Variants in CEP112 observed in about 807,000 individuals in gnomAD.
CEP112 encodes the protein centrosomal protein 112.
Under a neutral mutation model 153.0 loss-of-function variants are expected in CEP112, and 127 were observed. That is an observed-to-expected ratio of 0.83 (90% confidence interval 0.72 to 0.96). CEP112 has a LOEUF of 0.96. CEP112 is among the 40% of genes least tolerant of loss of function. The probability of loss-of-function intolerance (pLI) is 0.00; values close to 1 mark genes in which losing one functional copy is unlikely to be tolerated. For synonymous variants in CEP112, 358 were observed against 374.4 expected, an observed-to-expected ratio of 0.96 and a Z score of 0.51; for missense variants, 1,089 against 1,101.2, an observed-to-expected ratio of 0.99 and a Z score of 0.16.
chr17:65,669,157 A>G (rs1302271734), intron 24 of CEP112, among the ~76,000 whole-genome samples: 1 of 152,174 alleles, frequency 6.6e-6, no homozygotes, highest in Non-Finnish European at 1.5e-5. Flanking sequence ...CACTGAAATC[A>G]CACTACCAGT....
intron 23 of CEP112, among the ~76,000 whole-genome samples, chr17:65,701,625 C>G (rs879811565): frequency 6.6e-6 from 1 of 152,114 alleles, no homozygotes; most frequent in Non-Finnish European, 1.5e-5. Context: ...TACCCAGGAT[C>G]GCACAAATCC....
chr17:66,161,903 A>AG (rs2146766197), intron 4 of CEP112, among the ~76,000 whole-genome samples: 1 of 151,732 alleles, frequency 6.6e-6, no homozygotes, highest in South Asian at 2.1e-4. Context: ...ACTGTAAAAA[A>AG]AAAACTTAAA....
intron 6 of CEP112, among the ~76,000 whole-genome samples, chr17:66,105,721 G>A (rs189676707): frequency 6.6e-6 from 1 of 152,174 alleles, no homozygotes; most frequent in East Asian, 1.9e-4. Flanking sequence ...TTGAATCCAG[G>A]AGTCAGAGGT....
intron 21 of CEP112, among the ~76,000 whole-genome samples, chr17:65,815,170 G>T (rs1279760291): frequency 6.6e-6 from 1 of 151,694 alleles, no homozygotes; most frequent in Non-Finnish European, 1.5e-5. Context: ...TTATGTTGAG[G>T]TCTACAATTA....
intron 8 of CEP112, among the ~76,000 whole-genome samples, chr17:66,077,096 A>C (rs1231854080): frequency 6.6e-6 from 1 of 152,168 alleles, no homozygotes; most frequent in Non-Finnish European, 1.5e-5. Flanking sequence ...TACCCAAATG[A>C]GAAGGAATCA....
intron 24 of CEP112, among the ~76,000 whole-genome samples, chr17:65,652,180 A>T (rs1315715228): frequency 6.6e-6 from 1 of 152,206 alleles, no homozygotes; most frequent in Non-Finnish European, 1.5e-5. Context: ...TAATAGAGCC[A>T]TCTAGTAGAA....
chr17:65,775,944 A>C (rs963434088), intron 21 of CEP112, among the ~76,000 whole-genome samples: 5 of 152,226 alleles, frequency 3.3e-5, no homozygotes, highest in Non-Finnish European at 7.3e-5. Context: ...CGTTCAATTA[A>C]TCAGTGACGA....
intron 6 of CEP112, among the ~76,000 whole-genome samples, chr17:66,125,517 A>G (rs975321902): frequency 1.3e-5 from 2 of 151,926 alleles, no homozygotes; most frequent in African/African-American, 4.8e-5. Context: ...CCCTGTCTCT[A>G]AAAAAAAGAA....
At position 65,744,714 on chromosome 17, in the gene CEP112, C is replaced by T. The variant is rs553119443; in HGVS notation, c.2458-1497G>A. ...TTAAGAATCTGTTCTCTCCAGACAG[C>T]GTTCTTCTAACTTCTCAAATTAACC... On this transcript the variant is annotated intron_variant, in intron 22 of 26. Transcript: ENST00000535342. Among the ~76,000 whole-genome samples, 3 of 152,290 alleles carry T rather than the reference C, an allele frequency of 2.0e-5. No individual in the cohort carries two copies. The South Asian group carries it at 6.2e-4, about 32-fold the overall frequency.
At chr17:65,950,129 T>A (rs2061773605) in intron 18 of CEP112, among the ~76,000 whole-genome samples, 1 of 152,152 alleles carries the variant, frequency 6.6e-6, no homozygotes, top group Admixed American at 6.6e-5. Flanking sequence ...CCAGCAGAAA[T>A]GCATGTCACT....
Position 66,062,981 on chromosome 17 carries a change from AT to A in CEP112, c.1055del (p.Asn352IlefsTer12). ...AGCTTACCTTTTTTTCCCAGTCATT[AT>A]TTAGAGATTCCGTACTTTGTTCACA... is the stretch of plus-strand genomic sequence containing the variant. ...KICEQSTESLNNDWEKKLHNA... is the reference protein window; with the variant it reads ...KICEQSTESLXNDWEKKLHNA... On this transcript the variant is annotated frameshift_variant, in exon 11 of 27. Coordinates refer to ENST00000535342, the MANE Select transcript of CEP112 (RefSeq NM_001199165.4). LOFTEE classifies it high-confidence loss of function. 6.3e-7 allele frequency: 1 copy of A among 1,575,190 alleles called. No individual in the cohort carries two copies. The highest frequency in any genetic ancestry group is 1.8e-5 in the Admixed American group (1 of 56,196).
intron 4 of CEP112, among the ~76,000 whole-genome samples, chr17:66,170,518 A>C (rs2072199182): frequency 6.6e-6 from 1 of 151,996 alleles, no homozygotes; most frequent in Non-Finnish European, 1.5e-5. Flanking sequence ...TAATCCCAGC[A>C]CTTTGAGAGG....
chr17:66,131,527 G>A (rs1043155155), intron 5 of CEP112, among the ~76,000 whole-genome samples: 1 of 151,682 alleles, frequency 6.6e-6, no homozygotes, highest in Non-Finnish European at 1.5e-5. Flanking sequence ...GGATCACGAG[G>A]TCAGGAGATC....
chr17:65,911,109 A>C (rs1346051612), intron 19 of CEP112, among the ~76,000 whole-genome samples: 1 of 152,230 alleles, frequency 6.6e-6, no homozygotes, highest in Non-Finnish European at 1.5e-5. Flanking sequence ...GCATGCAAAA[A>C]TACAGTGAAT....
At chr17:66,185,024 G>A (rs190040543) in intron 1 of CEP112, among the ~76,000 whole-genome samples, 7 of 152,216 alleles carry the variant, frequency 4.6e-5, no homozygotes, top group Middle Eastern at 6.8e-3. Flanking sequence ...TCTAGAAAAG[G>A]CAAACAATAT....
At chr17:65,999,817 G>T (rs141677880) in intron 17 of CEP112, among the ~76,000 whole-genome samples, 1 of 151,944 alleles carries the variant, frequency 6.6e-6, no homozygotes, top group East Asian at 1.9e-4. Context: ...GACAACATGC[G>T]GTATTTGGTT....
intron 4 of CEP112, among the ~76,000 whole-genome samples, chr17:66,168,381 ATATATGTGTGTGTATATATATGTG>A (rs1039465303): frequency 2.7e-5 from 4 of 150,856 alleles, no homozygotes; most frequent in African/African-American, 9.7e-5. Context: ...AATAACCTAT[ATATATGTGTGTGTATATATATGTG>A]TATATGTGTG....
intron 21 of CEP112, among the ~76,000 whole-genome samples, chr17:65,799,229 A>G (rs2055115434): frequency 6.6e-6 from 1 of 152,186 alleles, no homozygotes; most frequent in South Asian, 2.1e-4. Flanking sequence ...TCTGAAACAA[A>G]TCTGTGGCTA....
At chr17:65,682,340 C>T (rs1287439727) in intron 24 of CEP112, among the ~76,000 whole-genome samples, 1 of 152,024 alleles carries the variant, frequency 6.6e-6, no homozygotes, top group East Asian at 1.9e-4. Flanking sequence ...CTTCTTTCTA[C>T]CCCTTTTGAC....
Sources: allele counts gnomAD v4.1 joint callset (sites outside exome capture counted in the v4.1 genomes callset), GRCh38; gene constraint gnomAD v4.1.1; transcripts MANE v1.5; gene names NCBI Gene and HGNC (gene_info 2026-07-23, HGNC 2026-07-21).